HYAL3: variants seen among roughly 807,000 people sequenced by gnomAD.
HYAL3 encodes hyaluronidase-3.
In HYAL3, 25 loss-of-function variants were observed where a neutral mutation model predicts 29.6. The ratio of observed to expected loss-of-function variants is 0.85; its 90% CI spans 0.62 to 1.18. HYAL3 has a LOEUF of 1.18. Among genes scored for constraint, HYAL3 ranks in the 50% most tolerant of loss-of-function variants. The pLI is 0.00. For missense variants in HYAL3, 442 were observed against 548.4 expected (o/e 0.81, Z 1.94); for synonymous variants, 215 against 218.3 (o/e 0.99, Z 0.13).
At chr3:50,293,994 A>G (rs1330719160) in intron 2 of HYAL3, among the ~76,000 whole-genome samples, 2 of 152,204 alleles carry the variant, frequency 1.3e-5, no homozygotes, top group Non-Finnish European at 1.5e-5. Context: ...CTACAGGTGC[A>G]TAACACCTGG....
At chr3:50,293,828 C>G (rs1553710512) in intron 2 of HYAL3, 107 bp from the exon 3 acceptor site, 5 of 1,008,542 alleles carry the variant, frequency 5.0e-6, no homozygotes, top group Non-Finnish European at 3.1e-6. Flanking sequence ...CTGATTCTAA[C>G]TCTACAGTAG....
At chr3:50,298,082 C>T (rs1701927408) in intron 1 of HYAL3, 1 of 985,298 alleles carries the variant, frequency 1.0e-6, no homozygotes, top group African/African-American at 1.7e-5. Flanking sequence ...CCTAGTCCAC[C>T]ACTAGGGCAT....
In HYAL3 at chr3:50,293,254, C is replaced by T. The variant is rs1258260001; in HGVS notation, c.1246G>A (p.Ala416Thr). ...CQEPRPGPKE[A>T]V Reference sequence around the variant, plus strand: ...TGGCAGGGGCCCTGGCTTTATACTGCTTCTTTAGGCCCAGGCCTGGGCTCC... The same window carrying T: ...TGGCAGGGGCCCTGGCTTTATACTGTTTCTTTAGGCCCAGGCCTGGGCTCC... Residue 416 changes from alanine to threonine, a missense_variant, in exon 4 of 4, where the codon GCA becomes ACA. Ala to Thr is a moderately conservative substitution (Grantham distance 58). Coordinates refer to ENST00000336307, the MANE Select transcript of HYAL3 (RefSeq NM_003549.4). 1.2e-6 allele frequency: 2 copies of T among 1,613,126 alleles called. No individual in the cohort carries two copies. Among genetic ancestry groups the T allele is most frequent in the Non-Finnish European group, 1.7e-6 (2 of 1,180,018 alleles).
At chr3:50,296,489 G>T in intron 1 of HYAL3, 1 of 1,287,498 alleles carries the variant, frequency 7.8e-7, no homozygotes, top group Non-Finnish European at 1.1e-6. Flanking sequence ...AACATGCCCA[G>T]GTTAAAGCTG....
In HYAL3 at chr3:50,296,917, A is replaced by T. The variant is rs1174344957; in HGVS notation, c.-17-1298T>A. ...CCCAGCTGGTAGCCCAGGTGGGTAT[A>T]GAAGTGCACCTGGTCATGGGTGGTG... On this transcript the variant is annotated intron_variant, in intron 1 of 3. Transcript: ENST00000336307. 3 of 1,609,852 alleles carry T rather than the reference A, an allele frequency of 1.9e-6. No homozygotes were observed. In the Admixed American group the frequency reaches 5.1e-5, roughly 27 times the overall value.
chr3:50,299,005 GT>G (rs1701999679), intron 1 of HYAL3: 1 of 1,476,670 alleles, frequency 6.8e-7, no homozygotes, highest in Non-Finnish European at 9.0e-7. Flanking sequence ...CCGGGCCTCG[GT>G]TTCCCCCTCC....
rs143932631 is a variant in HYAL3, at chr3:50,293,288, G to T, written c.1212C>A (p.Pro404=). The change falls in exon 4 of 4, where the codon CCC becomes CCA. Residue 404 remains proline (P), a synonymous_variant. Coordinates refer to ENST00000336307, the MANE Select transcript of HYAL3 (RefSeq NM_003549.4). The part of the protein sequence containing the change: ...SCHCYWGWAG[P]TCQEPRPGPK... Reference sequence around the variant, plus strand: ...GCCCAGGCCTGGGCTCCTGGCAGGTGGGGCCAGCCCAGCCCCAGTAACAGT... The same window carrying T: ...GCCCAGGCCTGGGCTCCTGGCAGGTTGGGCCAGCCCAGCCCCAGTAACAGT... The T allele has an allele frequency of 6.2e-7, 1 of 1,613,266 alleles. No individual in the cohort carries two copies. Among genetic ancestry groups the T allele is most frequent in the South Asian group, 1.1e-5 (1 of 91,082 alleles).
At chr3:50,293,814 C>T in intron 2 of HYAL3, 93 bp from the exon 3 acceptor site, 1 of 1,116,470 alleles carries the variant, frequency 9.0e-7, no homozygotes, top group Non-Finnish European at 1.4e-6. Flanking sequence ...TTCACTGTCA[C>T]AATCTGATTC....
rs781878077 is a variant in HYAL3, at chr3:50,296,798, C to T, written c.-17-1179G>A. 7 of 1,583,670 alleles carry T rather than the reference C, an allele frequency of 4.4e-6. No individual in the cohort carries two copies. The South Asian group carries it at 6.9e-5, about 16-fold the overall frequency. Reference sequence around the variant, plus strand: ...CTTGGGCAGTCAGGTTTGGGGCCTTCCTGGGTGGCCGGGGAGAGGGGGCTG... The same window carrying T: ...CTTGGGCAGTCAGGTTTGGGGCCTTTCTGGGTGGCCGGGGAGAGGGGGCTG... On this transcript the variant is annotated intron_variant, in intron 1 of 3. Transcript: ENST00000336307.
At position 50,293,718 on chromosome 3, in the gene HYAL3, C is replaced by A; in HGVS notation, c.898G>T (p.Asp300Tyr). 1 of 1,613,560 alleles carries A rather than the reference C, an allele frequency of 6.2e-7. No homozygotes were observed. Among genetic ancestry groups the A allele is most frequent in the East Asian group, 2.2e-5 (1 of 44,892 alleles). ...RRSGRFLSQD[D>Y]LVQSIGVSAA... ...CTCACACCAATGGACTGCACAAGGT[C>A]ATCCTGGAGGCAGAGAGCTGCTAAG... The change falls in exon 3 of 4, where the codon GAC (aspartate) becomes TAC (tyrosine). Residue 300 changes from aspartate to tyrosine, a missense_variant. Transcript: ENST00000336307.
chr3:50,296,688 G>C (rs1553711215), intron 1 of HYAL3: 1 of 1,613,754 alleles, frequency 6.2e-7, no homozygotes, highest in Non-Finnish European at 8.5e-7. Context: ...AGGGGGCCCT[G>C]ATGGAACTGG....
rs782248924 is a variant in HYAL3 at position 50,296,962 on chromosome 3, C to T, written c.-17-1343G>A. 4 of 1,597,480 alleles carry T rather than the reference C, an allele frequency of 2.5e-6. No individual in the cohort carries two copies. In the South Asian group the frequency reaches 3.4e-5, roughly 14 times the overall value. On this transcript the variant is annotated intron_variant, in intron 1 of 3. Transcript: ENST00000336307. ...GTGGTGAGATGCAGCTTGCGGAAGC[C>T]CCGGGCCCGAGCAAAGACCTCCAGG...
At position 50,293,738 on chromosome 3, in the gene HYAL3, G is replaced by A; in HGVS notation, c.895-17C>T. On this transcript the variant is annotated splice_polypyrimidine_tract_variant and intron_variant, in intron 2 of 3. Coordinates refer to ENST00000336307, the MANE Select transcript of HYAL3 (RefSeq NM_003549.4). ...AAGGTCATCCTGGAGGCAGAGAGCTGCTAAGCCAGTGCTGGGCTGGCCAGA... is the reference window on the plus strand; with the variant it reads ...AAGGTCATCCTGGAGGCAGAGAGCTACTAAGCCAGTGCTGGGCTGGCCAGA... 1 of 1,611,506 alleles carries A rather than the reference G, an allele frequency of 6.2e-7. No individual in the cohort carries two copies. Among genetic ancestry groups the A allele is most frequent in the Non-Finnish European group, 8.5e-7 (1 of 1,178,236 alleles).
chr3:50,298,737 T>G (rs1701978796), intron 1 of HYAL3: 1 of 1,016,416 alleles, frequency 9.8e-7, no homozygotes, highest in Non-Finnish European at 1.2e-6. Context: ...TCTCCTGAGC[T>G]TGAGGCCAAT....
chr3:50,294,630 G>C lies in HYAL3; in HGVS notation c.894+79C>G, dbSNP rs587680168. The C allele has an allele frequency of 4.1e-5, 53 of 1,280,366 alleles. No individual in the cohort carries two copies. In the African/African-American group the frequency reaches 6.5e-4, roughly 16 times the overall value. The allele number at this position is 1,280,366 out of a possible 1,614,324, so 79.3% of individuals were successfully genotyped here. A position where few individuals can be genotyped will look rare whatever the true frequency, so the allele number is the denominator to read the frequency against. ...CGCCTAGATTAGGACCAACCCCTAG[G>C]CAAGGTCTTCTCCTGGGACCTTCCT... On this transcript the variant is annotated intron_variant, in intron 2 of 3. Coordinates refer to ENST00000336307, the MANE Select transcript of HYAL3 (RefSeq NM_003549.4).
rs1701799676 is a variant in HYAL3 at position 50,295,268 on chromosome 3, A to T, written c.335T>A (p.Ile112Asn). 3 of 1,613,862 alleles carry T rather than the reference A, an allele frequency of 1.9e-6. No individual in the cohort carries two copies. Among genetic ancestry groups the T allele is most frequent in the African/African-American group, 1.3e-5 (1 of 74,938 alleles). The change falls in exon 2 of 4, where the codon ATC (isoleucine) becomes AAC (asparagine). Residue 112 changes from isoleucine to asparagine, a missense_variant. Physicochemically the swap from Ile to Asn is moderately radical, Grantham distance 149 (BLOSUM62 -3). Transcript: ENST00000336307. ...DRHLALAAYQ[I>N]HHSLRPGFAG... ...AAAGCCAGGTCTCAGGCTGTGGTGG[A>T]TCTGGTAGGCAGCCAGTGCCAGGTG... is the stretch of plus-strand genomic sequence containing the variant.
chr3:50,295,101 TG>T lies in HYAL3; in HGVS notation c.501del (p.Tyr167Ter), dbSNP rs1205310069. 2.5e-6 allele frequency: 4 copies of T among 1,613,598 alleles called. No homozygotes were observed. Among genetic ancestry groups the T allele is most frequent in the Admixed American group, 1.7e-5 (1 of 60,028 alleles). On this transcript the variant is annotated frameshift_variant, in exon 2 of 4. Coordinates refer to ENST00000336307, the MANE Select transcript of HYAL3 (RefSeq NM_003549.4). LOFTEE classifies it high-confidence loss of function. Reference sequence around the variant, plus strand: ...GCCTGCTCAAAGCCAGTATAGGCCTTGTAGAGCTGCTCCTGAGGGTCCAGGT... The same window carrying T: ...GCCTGCTCAAAGCCAGTATAGGCCTTTAGAGCTGCTCCTGAGGGTCCAGGT... ...FPDLDPQEQL[Y>X]KAYTGFEQAA...
chr3:50,296,362 G>C, intron 1 of HYAL3: 1 of 556,582 alleles, frequency 1.8e-6, no homozygotes, highest in Non-Finnish European at 3.2e-6. Context: ...AGAGGTGAGA[G>C]GTGAGGGTAG....
At chr3:50,294,508 CA>C (rs1302179976) in intron 2 of HYAL3, among the ~76,000 whole-genome samples, 200 bp downstream of exon 2, 1 of 152,164 alleles carries the variant, frequency 6.6e-6, no homozygotes, top group Admixed American at 6.5e-5. Flanking sequence ...CTCAGGCCAG[CA>C]CTCCAAAGGC....
Sources: gnomAD v4.1 joint callset for allele counts (sites outside exome capture counted in the v4.1 genomes callset) on GRCh38, gnomAD v4.1.1 for gene constraint, MANE v1.5 for transcripts, NCBI Gene and HGNC (gene_info 2026-07-23, HGNC 2026-07-21) for gene names.